ATXN2: variants seen among roughly 807,000 people sequenced by gnomAD.
ATXN2 encodes the protein ataxin 2.
Under a neutral mutation model 138.6 loss-of-function variants are expected in ATXN2, and 37 were observed. The ratio of observed to expected loss-of-function variants is 0.27; its 90% CI spans 0.21 to 0.35. The LOEUF is 0.35. Ranked by LOEUF, ATXN2 falls within the 10% of genes least tolerant of loss-of-function variation. The pLI, the probability that ATXN2 is intolerant of heterozygous loss-of-function variation, is 1.00. For synonymous variants in ATXN2, 549 were observed against 543.7 expected, an observed-to-expected ratio of 1.01 and a Z score of -0.13; for missense variants, 1,216 against 1,480.3, an observed-to-expected ratio of 0.82 and a Z score of 2.93.
intron 12 of ATXN2, 58 bp downstream of exon 12, chr12:111,510,327 C>T (rs1185664878): frequency 3.3e-6 from 5 of 1,535,194 alleles, no homozygotes. Flanking sequence ...ATAATATCAC[C>T]CTCTAACATT....
intron 1 of ATXN2, among the ~76,000 whole-genome samples, chr12:111,591,602 T>G (rs1475122084): frequency 6.6e-6 from 1 of 152,130 alleles, no homozygotes; most frequent in Non-Finnish European, 1.5e-5. Context: ...AGATTGAGGC[T>G]GCACTCCAGC....
chr12:111,505,234 T>C (rs191522736), intron 14 of ATXN2, among the ~76,000 whole-genome samples: 1 of 152,182 alleles, frequency 6.6e-6, no homozygotes, highest in African/African-American at 2.4e-5. Flanking sequence ...TTGCTCCAAA[T>C]GGATCACACC....
At chr12:111,517,180 C>T (rs1879903544) in intron 9 of ATXN2, among the ~76,000 whole-genome samples, 2 of 149,756 alleles carry the variant, frequency 1.3e-5, no homozygotes, top group African/African-American at 2.5e-5. Context: ...CATTACATAT[C>T]ACTTACCTTA....
intron 1 of ATXN2, among the ~76,000 whole-genome samples, chr12:111,560,208 G>C (rs1024681431): frequency 6.6e-6 from 1 of 151,944 alleles, no homozygotes; most frequent in South Asian, 2.1e-4. Context: ...AATCACTCGA[G>C]ATTAAAAACA....
At chr12:111,483,318 G>A (rs188227340) in intron 18 of ATXN2, among the ~76,000 whole-genome samples, 92 of 150,994 alleles carry the variant, frequency 6.1e-4, no homozygotes, top group African/African-American at 2.2e-3. Context: ...GGCAATTATT[G>A]GGCACTGAGA....
In ATXN2 at chr12:111,597,839, G is replaced by A. The variant is rs1051318186; in HGVS notation, c.251+945C>T. The A allele has an allele frequency of 1.6e-4, 200 of 1,280,210 alleles. No homozygotes were observed. In the African/African-American group the frequency reaches 2.9e-3, roughly 18 times the overall value. The allele number at this position is 1,280,210 out of a possible 1,614,324, so 79.3% of individuals were successfully genotyped here. On this transcript the variant is annotated intron_variant, in intron 1 of 24. Transcript: ENST00000673436. ...TTGGGGCGGGGGTTGGGATAAGTGCGCAGGGTGCCCGCCCCCTGCCACCAG... is the reference window on the plus strand; with the variant it reads ...TTGGGGCGGGGGTTGGGATAAGTGCACAGGGTGCCCGCCCCCTGCCACCAG...
chr12:111,596,388 C>CAT (rs1426064727), intron 1 of ATXN2, among the ~76,000 whole-genome samples: 1 of 151,872 alleles, frequency 6.6e-6, no homozygotes, highest in Non-Finnish European at 1.5e-5. Context: ...CACACACACA[C>CAT]AAAGTCAAAT....
At chr12:111,506,481 A>G (rs766846184) in intron 14 of ATXN2, among the ~76,000 whole-genome samples, 3 of 152,210 alleles carry the variant, frequency 2.0e-5, no homozygotes, top group Non-Finnish European at 2.9e-5. Flanking sequence ...CACATGCTTC[A>G]AAGTAGAAAT....
At position 111,520,864 on chromosome 12, in the gene ATXN2, C is replaced by A; in HGVS notation, c.788+18G>T. 2 of 1,443,138 alleles carry A rather than the reference C, an allele frequency of 1.4e-6. No individual in the cohort carries two copies. Among genetic ancestry groups the A allele is most frequent in the Non-Finnish European group, 9.4e-7 (1 of 1,062,510 alleles). 89.4% of individuals were successfully genotyped at this position (1,443,138 alleles called of 1,614,324 possible). On this transcript the variant is annotated intron_variant, in intron 7 of 24. Coordinates refer to ENST00000673436, the MANE Select transcript of ATXN2 (RefSeq NM_001372574.1). The stretch of plus-strand genomic sequence containing the variant: ...AAAGACAAATGCACTAAAATAAAAA[C>A]AAACTTTTCAAACTTACGTATACGA...
intron 14 of ATXN2, among the ~76,000 whole-genome samples, chr12:111,499,966 T>C (rs1353102910): frequency 6.6e-6 from 1 of 152,164 alleles, no homozygotes. Context: ...CAATAACAAA[T>C]GCTGGTAACG....
At position 111,526,562 on chromosome 12, in the gene ATXN2, G is replaced by A. The variant is rs893466328; in HGVS notation, c.572-1246C>T. On this transcript the variant is annotated intron_variant, in intron 5 of 24. Transcript: ENST00000673436. ...TAAGATTACAGGCGCCCACCAACAC[G>A]CCCAGCTAATGTTTGTATTTTTAGC... Among the ~76,000 whole-genome samples, 6 of 151,562 alleles carry A rather than the reference G, an allele frequency of 4.0e-5. No individual in the cohort carries two copies. In the East Asian group the frequency reaches 5.8e-4, roughly 15 times the overall value.
chr12:111,492,839 C>T (rs537825078), intron 14 of ATXN2, among the ~76,000 whole-genome samples: 1 of 152,188 alleles, frequency 6.6e-6, no homozygotes, highest in Non-Finnish European at 1.5e-5. Flanking sequence ...AAATAAAGGA[C>T]ACCAGTGACC....
At chr12:111,564,587 TGAA>T (rs1160886251) in intron 1 of ATXN2, among the ~76,000 whole-genome samples, 1 of 149,218 alleles carries the variant, frequency 6.7e-6, no homozygotes, top group South Asian at 2.1e-4. Context: ...ATCCTCACAC[TGAA>T]GAAAAAAAAA....
At chr12:111,455,992 T>C (rs1270373440) in intron 23 of ATXN2, 37 bp downstream of exon 23, 3 of 1,579,828 alleles carry the variant, frequency 1.9e-6, no homozygotes, top group Non-Finnish European at 2.6e-6. Context: ...CACATTCTAC[T>C]TGGCCTTCAC....
chr12:111,543,636 C>T (rs1881652230), intron 5 of ATXN2, among the ~76,000 whole-genome samples: 2 of 152,110 alleles, frequency 1.3e-5, no homozygotes, highest in Non-Finnish European at 2.9e-5. Flanking sequence ...ATTTGCATCG[C>T]TGACTCCATT....
chr12:111,557,045 A>G (rs2135791875), intron 1 of ATXN2, among the ~76,000 whole-genome samples: 1 of 152,358 alleles, frequency 6.6e-6, no homozygotes, highest in African/African-American at 2.4e-5. Flanking sequence ...AGTGAATTAT[A>G]GAATATAATA....
intron 14 of ATXN2, among the ~76,000 whole-genome samples, chr12:111,500,338 T>C (rs1005593046): frequency 6.6e-6 from 1 of 152,208 alleles, no homozygotes; most frequent in Non-Finnish European, 1.5e-5. Flanking sequence ...GAGGACATTA[T>C]GTTAAGTAAA....
At chr12:111,551,295 CAAAA>C (rs57267901) in intron 5 of ATXN2, among the ~76,000 whole-genome samples, 3 of 82,198 alleles carry the variant, frequency 3.6e-5, no homozygotes. Context: ...GACTCCGTCT[CAAAA>C]AAAAAAAAAA....
At chr12:111,535,418 T>C (rs1262410293) in intron 5 of ATXN2, among the ~76,000 whole-genome samples, 1 of 144,154 alleles carries the variant, frequency 6.9e-6, no homozygotes, top group Non-Finnish European at 1.5e-5. Flanking sequence ...AGGTCAGGAG[T>C]TCGAGACCAG....
Sources: allele counts gnomAD v4.1 joint callset (sites outside exome capture counted in the v4.1 genomes callset), GRCh38; gene constraint gnomAD v4.1.1; transcripts MANE v1.5; gene names NCBI Gene and HGNC (gene_info 2026-07-23, HGNC 2026-07-21).